Variants in GALNT13 observed in about 807,000 individuals in gnomAD.
GALNT13 encodes the protein polypeptide N-acetylgalactosaminyltransferase 13.
In GALNT13, 28 loss-of-function variants were observed where a neutral mutation model predicts 64.2. That is an observed-to-expected ratio of 0.44 (90% CI 0.32 to 0.60). GALNT13 has a LOEUF of 0.60. Among genes scored for constraint, GALNT13 ranks in the 20% least tolerant of loss-of-function variants. The pLI, the probability that GALNT13 is intolerant of heterozygous loss-of-function variation, is 0.05. For missense variants in GALNT13, 577 were observed against 669.8 expected (o/e 0.86, Z 1.53); for synonymous variants, 214 against 224.6 (o/e 0.95, Z 0.42).
the GALNT13 span, among the ~76,000 whole-genome samples, chr2:153,244,051 A>G: frequency 1.4e-5 from 2 of 140,562 alleles, no homozygotes; most frequent in African/African-American, 6.6e-5. Context: ...AACTATTTTT[A>G]TGTACTATTG....
At chr2:153,239,298 T>C in the GALNT13 span, among the ~76,000 whole-genome samples, 1 of 152,162 alleles carries the variant, frequency 6.6e-6, no homozygotes, top group Admixed American at 6.5e-5. Flanking sequence ...TAATTTGCCA[T>C]CTTCCTTTCC....
chr2:153,947,272 G>T (rs1691826229), intron 3 of GALNT13, among the ~76,000 whole-genome samples: 1 of 151,940 alleles, frequency 6.6e-6, no homozygotes, highest in South Asian at 2.1e-4. Flanking sequence ...ACCTGCCATG[G>T]AGCTTAAAGT....
the GALNT13 span, among the ~76,000 whole-genome samples, chr2:153,852,847 G>A: frequency 6.6e-6 from 1 of 152,102 alleles, no homozygotes; most frequent in African/African-American, 2.4e-5. Flanking sequence ...TGTTGTATTC[G>A]GGTTCTCTTG....
chr2:153,738,611 G>T, the GALNT13 span, among the ~76,000 whole-genome samples: 1 of 151,698 alleles, frequency 6.6e-6, no homozygotes, highest in African/African-American at 2.4e-5. Context: ...ATTGTAGTAT[G>T]TATATGTTAT....
In GALNT13 at chr2:154,072,814, A is replaced by G. The variant is rs142380927; in HGVS notation, c.143-67523A>G. ...GAAAATAGTTCACTGATTGTAAGGAACACAAAGAATTAAATGAAGACAGGA... is the reference window on the plus strand; with the variant it reads ...GAAAATAGTTCACTGATTGTAAGGAGCACAAAGAATTAAATGAAGACAGGA... On this transcript the variant is annotated intron_variant, in intron 3 of 12. Transcript: ENST00000392825. Among the ~76,000 whole-genome samples the G allele has an allele frequency of 3.9e-3, 591 of 152,152 alleles. 2 individuals are homozygous for G. The highest frequency in any genetic ancestry group is 0.014 in the African/African-American group (566 of 41,554).
the GALNT13 span, among the ~76,000 whole-genome samples, chr2:153,720,183 AC>A: frequency 6.9e-6 from 1 of 144,966 alleles, no homozygotes; most frequent in South Asian, 2.4e-4. Context: ...ACTGGGAGGC[AC>A]CCCCCAGCAG....
the GALNT13 span, among the ~76,000 whole-genome samples, chr2:153,847,905 T>C: frequency 1.3e-5 from 2 of 152,164 alleles, no homozygotes. Flanking sequence ...CAGCTACAGT[T>C]TGATCCCATG....
intron 4 of GALNT13, among the ~76,000 whole-genome samples, chr2:154,150,547 T>G (rs1683935199): frequency 6.6e-6 from 1 of 152,102 alleles, no homozygotes; most frequent in Admixed American, 6.6e-5. Flanking sequence ...CGGCTGTGAA[T>G]CCATCTGGTC....
At chr2:153,773,722 T>C in the GALNT13 span, among the ~76,000 whole-genome samples, 4 of 152,316 alleles carry the variant, frequency 2.6e-5, no homozygotes, top group East Asian at 5.8e-4. Flanking sequence ...ATATCTGATA[T>C]AGTTGTAGGA....
the GALNT13 span, among the ~76,000 whole-genome samples, chr2:153,862,165 G>A: frequency 6.6e-6 from 1 of 152,068 alleles, no homozygotes. Flanking sequence ...CTGGGTATTT[G>A]CTTCTTAAAA....
rs759170858 is a variant in GALNT13, at chr2:154,246,000, C to T, written c.857+18C>T. 9 of 1,574,082 alleles carry T rather than the reference C, an allele frequency of 5.7e-6. No individual in the cohort carries two copies. In the African/African-American group the frequency reaches 8.1e-5, roughly 14 times the overall value. Reference sequence around the variant, plus strand: ...CCTGTCAGGTATGTAGATCATATCTCTTGAAGATTATGTATATCCCCCTAA... The same window carrying T: ...CCTGTCAGGTATGTAGATCATATCTTTTGAAGATTATGTATATCCCCCTAA... On this transcript the variant is annotated intron_variant, in intron 7 of 12. Transcript: ENST00000392825.
At chr2:153,102,605 TGAA>T in the GALNT13 span, among the ~76,000 whole-genome samples, 1 of 152,222 alleles carries the variant, frequency 6.6e-6, no homozygotes, top group East Asian at 1.9e-4. Context: ...TTTAAATGAA[TGAA>T]GAAGAAACTC....
chr2:153,454,625 G>A, the GALNT13 span, among the ~76,000 whole-genome samples: 1 of 152,138 alleles, frequency 6.6e-6, no homozygotes, highest in Non-Finnish European at 1.5e-5. Flanking sequence ...CATTACATTT[G>A]TCCAAGAAAG....
chr2:154,125,721 G>A (rs188799880), intron 3 of GALNT13, among the ~76,000 whole-genome samples: 2 of 152,214 alleles, frequency 1.3e-5, no homozygotes, highest in East Asian at 1.9e-4. Flanking sequence ...TAAACTTGAC[G>A]AAGTTTGGTT....
chr2:153,516,045 C>G, the GALNT13 span, among the ~76,000 whole-genome samples: 1 of 152,128 alleles, frequency 6.6e-6, no homozygotes, highest in African/African-American at 2.4e-5. Flanking sequence ...AACTGTAAGA[C>G]AAAGACCAGT....
chr2:154,038,541 A>G (rs1027651913), intron 3 of GALNT13, among the ~76,000 whole-genome samples: 9 of 152,178 alleles, frequency 5.9e-5, no homozygotes, highest in Admixed American at 3.3e-4. Flanking sequence ...AATAAAAGCT[A>G]GGAAAACTGG....
chr2:153,127,062 C>A, the GALNT13 span, among the ~76,000 whole-genome samples: 1 of 152,128 alleles, frequency 6.6e-6, no homozygotes, highest in Non-Finnish European at 1.5e-5. Flanking sequence ...GCAATCTAAT[C>A]TTTGAAGAAA....
chr2:153,898,129 T>A (rs1233448951), intron 1 of GALNT13, among the ~76,000 whole-genome samples: 1 of 152,162 alleles, frequency 6.6e-6, no homozygotes, highest in African/African-American at 2.4e-5. Flanking sequence ...CTGTATATAG[T>A]GGGAGCTTGA....
chr2:154,417,517 A>ATTTT (rs775341273), intron 11 of GALNT13, among the ~76,000 whole-genome samples: 10 of 127,114 alleles, frequency 7.9e-5, no homozygotes, highest in East Asian at 2.3e-4. Flanking sequence ...TTATTTATTT[A>ATTTT]TTTATTTTTT....
Sources: allele counts gnomAD v4.1 joint callset (sites outside exome capture counted in the v4.1 genomes callset), GRCh38; gene constraint gnomAD v4.1.1; transcripts MANE v1.5; gene names NCBI Gene and HGNC (gene_info 2026-07-23, HGNC 2026-07-21).